The following EPB41 variants were observed in gnomAD, a reference collection of about 807,000 sequenced individuals.
The protein encoded by EPB41 is protein 4.1.
EPB41 carries 65 observed loss-of-function variants against 108.0 expected under a neutral mutation model. That is an observed-to-expected ratio of 0.60 (90% confidence interval 0.49 to 0.74). The LOEUF (loss-of-function observed/expected upper bound fraction) is 0.74, where lower values mean the gene tolerates loss of function less well. Among genes scored for constraint, EPB41 ranks in the 30% least tolerant of loss-of-function variants. The pLI, the probability that EPB41 is intolerant of heterozygous loss-of-function variation, is 0.00. For synonymous variants in EPB41, 336 were observed against 358.9 expected (o/e 0.94, Z 0.72); for missense variants, 875 against 1,037.0 (o/e 0.84, Z 2.15).
At chr1:28,948,620 T>C (rs1002893555) in intron 1 of EPB41, among the ~76,000 whole-genome samples, 2 of 152,104 alleles carry the variant, frequency 1.3e-5, no homozygotes, top group African/African-American at 4.8e-5. Flanking sequence ...CCTTTTACGC[T>C]ATTTTTATAT....
intron 1 of EPB41, among the ~76,000 whole-genome samples, chr1:28,899,886 A>G (rs1413653588): frequency 6.6e-6 from 1 of 152,144 alleles, no homozygotes; most frequent in Non-Finnish European, 1.5e-5. Flanking sequence ...TCCCAGCTTC[A>G]CCCCTTACCA....
At chr1:28,983,775 G>T in intron 1 of EPB41, among the ~76,000 whole-genome samples, 1 of 152,014 alleles carries the variant, frequency 6.6e-6, no homozygotes, top group Non-Finnish European at 1.5e-5. Flanking sequence ...TTTTAGCTTC[G>T]ACATGCCATC....
intron 1 of EPB41, among the ~76,000 whole-genome samples, chr1:28,926,958 C>CA (rs1220281852): frequency 6.6e-6 from 1 of 152,146 alleles, no homozygotes. Context: ...TGTGAGTATT[C>CA]TAAAGACCCA....
chr1:28,913,810 A>T (rs1570429628), upstream of EPB41, among the ~76,000 whole-genome samples: 2 of 152,276 alleles, frequency 1.3e-5, no homozygotes, highest in Non-Finnish European at 2.9e-5. Flanking sequence ...ACACTTCTGG[A>T]AGGAAATAAA....
chr1:28,951,096 A>G (rs1033448565), intron 1 of EPB41, among the ~76,000 whole-genome samples: 1 of 152,092 alleles, frequency 6.6e-6, no homozygotes, highest in African/African-American at 2.4e-5. Flanking sequence ...CAGCCTCCCA[A>G]AGTGCTGGGA....
intron 16 of EPB41, among the ~76,000 whole-genome samples, chr1:29,081,964 T>A (rs1656871380): frequency 6.6e-6 from 1 of 152,198 alleles, no homozygotes; most frequent in South Asian, 2.1e-4. Context: ...CTTTTATGAG[T>A]TTGTTGAAAA....
At chr1:29,088,053 C>CT (rs1228746248) in intron 16 of EPB41, among the ~76,000 whole-genome samples, 6 of 138,100 alleles carry the variant, frequency 4.3e-5, no homozygotes, top group East Asian at 4.3e-4. Flanking sequence ...TTCTTTTTTT[C>CT]TTTTTTTTTT....
chr1:28,920,568 G>T (rs564747316), intron 1 of EPB41, among the ~76,000 whole-genome samples: 30 of 152,340 alleles, frequency 2.0e-4, no homozygotes, highest in African/African-American at 7.0e-4. Flanking sequence ...AGTTATGATA[G>T]AAAAGTTTCA....
At chr1:29,034,606 C>T (rs1218595404) in intron 9 of EPB41, among the ~76,000 whole-genome samples, 1 of 152,158 alleles carries the variant, frequency 6.6e-6, no homozygotes, top group African/African-American at 2.4e-5. Flanking sequence ...TCCTTTCCAT[C>T]TTATAAAATA....
chr1:29,115,597 G>A lies in EPB41; in HGVS notation c.2497-102G>A, dbSNP rs1574128464. On this transcript the variant is annotated intron_variant, in intron 19 of 20. Transcript: ENST00000343067. The surrounding 1 kb of genome is among the most constrained non-coding windows in gnomAD (Gnocchi z 4.4). ...TAAAGCTGCCCTGGTACTGCAGACA[G>A]GAGTATTGGATCTGTCAGAACATCA... The A allele has an allele frequency of 5.1e-6, 5 of 979,004 alleles. No individual in the cohort carries two copies. The East Asian group carries it at 1.0e-4, about 20-fold the overall frequency. The allele number at this position is 979,004 out of a possible 1,614,324, so 60.6% of individuals were successfully genotyped here.
At chr1:29,039,475 A>C in intron 11 of EPB41, 49 bp downstream of exon 11, 2 of 1,606,850 alleles carry the variant, frequency 1.2e-6, no homozygotes, top group Non-Finnish European at 1.7e-6. Flanking sequence ...TCATTTGGAA[A>C]GATAAAGGAA....
At chr1:29,110,671 C>T (rs374620047) in intron 18 of EPB41, among the ~76,000 whole-genome samples, 4 of 152,154 alleles carry the variant, frequency 2.6e-5, no homozygotes, top group African/African-American at 9.7e-5. Flanking sequence ...TGACCAAGCT[C>T]TCTCATCAAT....
chr1:28,910,019 C>T (rs564835663), upstream of EPB41, among the ~76,000 whole-genome samples: 4 of 150,634 alleles, frequency 2.7e-5, no homozygotes, highest in East Asian at 2.0e-4. Context: ...CCCAGGAGGT[C>T]GAGGCTGCAG....
At chr1:29,040,577 A>G (rs1275063211) in intron 11 of EPB41, among the ~76,000 whole-genome samples, 1 of 152,114 alleles carries the variant, frequency 6.6e-6, no homozygotes. Context: ...CACCATGCCC[A>G]GCCATACAAG....
intron 4 of EPB41, among the ~76,000 whole-genome samples, chr1:28,998,213 A>G (rs2096227242): frequency 6.6e-6 from 1 of 152,156 alleles, no homozygotes. Flanking sequence ...GCTGAGAGAG[A>G]CCTGAAGGAT....
chr1:29,072,307 G>A (rs1410681288), intron 16 of EPB41: 1 of 151,958 alleles, frequency 6.6e-6, no homozygotes, highest in Non-Finnish European at 1.5e-5. Context: ...TTTTATCTGG[G>A]AAATAAAGAT....
chr1:28,891,706 G>A (rs867165139), intron 1 of EPB41, among the ~76,000 whole-genome samples: 2 of 152,136 alleles, frequency 1.3e-5, no homozygotes, highest in Non-Finnish European at 2.9e-5. Flanking sequence ...CTGCAGTTCC[G>A]GGTTTGTGTT....
At chr1:29,080,097 A>ATTTAT (rs1655858542) in intron 16 of EPB41, among the ~76,000 whole-genome samples, 23 of 145,736 alleles carry the variant, frequency 1.6e-4, no homozygotes, top group African/African-American at 4.0e-4. Context: ...ATAAAGCAAC[A>ATTTAT]TTATTTATTT....
upstream of EPB41, among the ~76,000 whole-genome samples, chr1:28,913,214 C>T (rs571619428): frequency 9.2e-5 from 14 of 152,046 alleles, no homozygotes; most frequent in East Asian, 2.5e-3. Flanking sequence ...TTTGGGAGGC[C>T]GAGAAGGGCG....
Sources: gnomAD v4.1 joint callset for allele counts (sites outside exome capture counted in the v4.1 genomes callset) on GRCh38, gnomAD v4.1.1 for gene constraint, Gnocchi (gnomAD v3.1) non-coding constraint, MANE v1.5 for transcripts, NCBI Gene and HGNC (gene_info 2026-07-23, HGNC 2026-07-21) for gene names.